Variants in LONRF3 observed in about 807,000 individuals in gnomAD.
LONRF3 encodes the protein LON peptidase N-terminal domain and RING finger protein 3.
LONRF3 carries 19 observed loss-of-function variants against 51.7 expected under a neutral mutation model. The ratio of observed to expected loss-of-function variants is 0.37; its 90% CI spans 0.26 to 0.54. The LOEUF is 0.54. Ranked by LOEUF, LONRF3 falls within the 20% of genes least tolerant of loss-of-function variation. The pLI is 0.86. For synonymous variants in LONRF3, 265 were observed against 257.8 expected (o/e 1.03, Z -0.27); for missense variants, 521 against 623.9 (o/e 0.84, Z 1.76).
intron 3 of LONRF3, among the ~76,000 whole-genome samples, chrX:118,987,879 T>C (rs1044024953): frequency 1.8e-5 from 2 of 111,953 alleles, no homozygotes; most frequent in Admixed American, 9.5e-5. Flanking sequence ...AGGAAAGAGA[T>C]GTTGGAAAGA....
intron 3 of LONRF3, among the ~76,000 whole-genome samples, chrX:118,988,225 G>A (rs762306187): frequency 8.9e-6 from 1 of 111,912 alleles, no homozygotes; most frequent in African/African-American, 3.2e-5. Flanking sequence ...AGAACCCCCA[G>A]TGATTTCAAT....
intron 5 of LONRF3, among the ~76,000 whole-genome samples, chrX:118,994,456 C>T (rs113526760): frequency 4.0e-3 from 434 of 109,706 alleles, no homozygotes; most frequent in African/African-American, 5.5e-3. Context: ...CAGGCTGGAG[C>T]GCAATGGTGT....
chrX:119,000,736 A>G (rs1365135530), intron 5 of LONRF3, among the ~76,000 whole-genome samples: 1 of 107,126 alleles, frequency 9.3e-6, no homozygotes, highest in African/African-American at 3.4e-5. Flanking sequence ...TTAGCTACTC[A>G]AGTAGCTTGG....
chrX:118,981,070 A>AG (rs1373200380), intron 2 of LONRF3, among the ~76,000 whole-genome samples: 1 of 111,577 alleles, frequency 9.0e-6, no homozygotes, highest in African/African-American at 3.3e-5. Flanking sequence ...CCCCAAGTGT[A>AG]GGGGTTTATC....
At position 118,989,388 on chromosome X, in the gene LONRF3, G is replaced by A; in HGVS notation, c.1060-20G>A. On this transcript the variant is annotated intron_variant, in intron 3 of 10. Transcript: ENST00000371628. ...ATTAGTCCTAAGAAGATTCTGATAT[G>A]TGGCCCTTTCTTCATCCAGGACAAT... 1 of 1,207,413 alleles carries A rather than the reference G, an allele frequency of 8.3e-7. No individual in the cohort carries two copies. Among genetic ancestry groups the A allele is most frequent in the Non-Finnish European group, 1.1e-6 (1 of 893,033 alleles).
chrX:118,979,149 C>T (rs1922344817), intron 2 of LONRF3, among the ~76,000 whole-genome samples: 1 of 107,680 alleles, frequency 9.3e-6, no homozygotes, highest in African/African-American at 3.4e-5. Context: ...TACAGGCGCC[C>T]GCCACCACAC....
intron 5 of LONRF3, among the ~76,000 whole-genome samples, chrX:119,003,407 T>A (rs954921860): frequency 4.5e-5 from 5 of 112,025 alleles, no homozygotes; most frequent in Non-Finnish European, 9.4e-5. Flanking sequence ...TTGCGAATGA[T>A]ATGAGAGATG....
At chrX:118,977,615 G>A (rs1922188694) in intron 1 of LONRF3, among the ~76,000 whole-genome samples, 1 of 112,119 alleles carries the variant, frequency 8.9e-6, no homozygotes, top group Non-Finnish European at 1.9e-5. Context: ...GTGTGACCTT[G>A]AGAAAATGCC....
intron 10 of LONRF3, among the ~76,000 whole-genome samples, chrX:119,014,588 G>A (rs1235660032): frequency 9.0e-6 from 1 of 111,682 alleles, no homozygotes; most frequent in Non-Finnish European, 1.9e-5. Flanking sequence ...TCCAAGGCAG[G>A]TTTTGAGAAC....
chrX:118,977,901 C>T (rs1922210725), intron 1 of LONRF3, among the ~76,000 whole-genome samples: 1 of 111,314 alleles, frequency 9.0e-6, no homozygotes, highest in Admixed American at 9.5e-5. Context: ...CAGTCATTCC[C>T]ACCTGGAAAA....
Position 118,975,036 on chromosome X carries a change from G to A in LONRF3, c.256G>A (p.Ala86Thr). 2 of 1,173,823 alleles carry A rather than the reference G, an allele frequency of 1.7e-6. No individual in the cohort carries two copies. The highest frequency in any genetic ancestry group is 2.3e-6 in the Non-Finnish European group (2 of 876,649). The change falls in exon 1 of 11, where the codon GCC (alanine) becomes ACC (threonine). Residue 86 changes from alanine to threonine, a missense_variant. Ala to Thr is a moderately conservative substitution (Grantham distance 58). Around this residue, in one of 2 missense-constraint regions of LONRF3, gnomAD observed 376 missense variants for 376.7 expected, o/e 1.00. Transcript: ENST00000371628. ...ALASRGRIRE[A>T]LEVYRQLSER... Reference sequence around the variant, plus strand: ...GGCGTCCCGGGGGCGAATCCGTGAAGCCCTCGAGGTGTATAGACAGCTCTC... The same window carrying A: ...GGCGTCCCGGGGGCGAATCCGTGAAACCCTCGAGGTGTATAGACAGCTCTC...
At chrX:119,009,792 T>C (rs1003703594) in intron 7 of LONRF3, among the ~76,000 whole-genome samples, 18 of 110,848 alleles carry the variant, frequency 1.6e-4, no homozygotes, top group African/African-American at 5.9e-4. Flanking sequence ...TTTTTTGAGA[T>C]TGAGTCTCAC....
intron 5 of LONRF3, among the ~76,000 whole-genome samples, chrX:119,001,456 T>C (rs1203900191): frequency 8.9e-6 from 1 of 112,387 alleles, no homozygotes; most frequent in East Asian, 2.8e-4. Context: ...ATTTTCTCAA[T>C]AGTATAATGA....
chrX:119,016,835 G>T (rs996095108), intron 10 of LONRF3, among the ~76,000 whole-genome samples: 14 of 111,465 alleles, frequency 1.3e-4, no homozygotes, highest in African/African-American at 4.2e-4. Context: ...GGACTTAAAA[G>T]ACATGCAAAG....
chrX:118,993,823 T>C (rs1472485687), intron 5 of LONRF3, among the ~76,000 whole-genome samples: 1 of 112,031 alleles, frequency 8.9e-6, no homozygotes, highest in Admixed American at 9.5e-5. Context: ...TAAAAGCATA[T>C]TTCTCAGCAG....
rs746492158 is a variant in LONRF3, at chrX:118,982,917, A to G, written c.1033A>G (p.Lys345Glu). Residue 345 changes from lysine to glutamate, a missense_variant, in exon 3 of 11, where the codon AAG becomes GAG. Coordinates refer to ENST00000371628, the MANE Select transcript of LONRF3 (RefSeq NM_001031855.3). ...LYCVSLDGKN[K>E]RARCEAQRDN... ...CTGTGTATCCCTTGATGGAAAGAAC[A>G]AGAGAGCAAGATGTGAAGCCCAAAG... 2 of 1,210,637 alleles carry G rather than the reference A, an allele frequency of 1.7e-6. No homozygotes were observed. Among genetic ancestry groups the G allele is most frequent in the South Asian group, 3.5e-5 (2 of 56,894 alleles).
At chrX:119,000,241 A>C (rs1474140357) in intron 5 of LONRF3, among the ~76,000 whole-genome samples, 1 of 112,290 alleles carries the variant, frequency 8.9e-6, no homozygotes, top group Non-Finnish European at 1.9e-5. Context: ...CTACTTGTGC[A>C]AGATTTTAGT....
chrX:119,003,007 C>T (rs762826259), intron 5 of LONRF3, among the ~76,000 whole-genome samples: 100 of 110,145 alleles, frequency 9.1e-4, no homozygotes, highest in Non-Finnish European at 2.3e-4. Flanking sequence ...TGGTCTTGAG[C>T]TCCTCACCCC....
intron 10 of LONRF3, among the ~76,000 whole-genome samples, chrX:119,016,240 C>T (rs1469183379): frequency 9.0e-6 from 1 of 111,377 alleles, no homozygotes; most frequent in Non-Finnish European, 1.9e-5. Flanking sequence ...TACCCAATGT[C>T]TAAAATATGT....
Sources: gnomAD v4.1 joint callset for allele counts (sites outside exome capture counted in the v4.1 genomes callset) on GRCh38, gnomAD v4.1.1 for gene constraint, gnomAD v4.1.1 regional missense constraint, MANE v1.5 for transcripts, NCBI Gene and HGNC (gene_info 2026-07-23, HGNC 2026-07-21) for gene names.